ECHDC1: variants seen among roughly 807,000 people sequenced by gnomAD.
The protein encoded by ECHDC1 is ethylmalonyl-CoA decarboxylase 1, also known as ethylmalonyl-CoA decarboxylase.
ECHDC1 carries 29 observed loss-of-function variants against 29.7 expected under a neutral mutation model. The ratio of observed to expected loss-of-function variants is 0.98; its 90% CI spans 0.73 to 1.33. The LOEUF (loss-of-function observed/expected upper bound fraction) is 1.33, where lower values mean the gene tolerates loss of function less well. Ranked by LOEUF, ECHDC1 falls within the 40% of genes most tolerant of loss-of-function variation. ECHDC1 has a pLI of 0.00. For synonymous variants in ECHDC1, 126 were observed against 123.1 expected, an observed-to-expected ratio of 1.02 and a Z score of -0.15; for missense variants, 328 against 350.0, an observed-to-expected ratio of 0.94 and a Z score of 0.50.
intron 5 of ECHDC1, among the ~76,000 whole-genome samples, chr6:127,310,021 A>C (rs1206873826): frequency 6.6e-6 from 1 of 152,158 alleles, no homozygotes; most frequent in Non-Finnish European, 1.5e-5. Flanking sequence ...GGTGACACAG[A>C]GCCAAACCAT....
intron 3 of ECHDC1, among the ~76,000 whole-genome samples, chr6:127,318,558 G>A (rs1465852059): frequency 6.6e-6 from 1 of 152,134 alleles, no homozygotes; most frequent in Non-Finnish European, 1.5e-5. Flanking sequence ...TATACAAAGT[G>A]CTTGAACAAA....
At chr6:127,301,683 C>T (rs1781064507) in intron 5 of ECHDC1, among the ~76,000 whole-genome samples, 1 of 152,202 alleles carries the variant, frequency 6.6e-6, no homozygotes, top group South Asian at 2.1e-4. Flanking sequence ...TAGCCTCTAA[C>T]ATTTAAGAAC....
intron 1 of ECHDC1, among the ~76,000 whole-genome samples, chr6:127,333,447 T>C (rs113338856): frequency 0.011 from 1,621 of 152,198 alleles, 32 homozygotes; most frequent in African/African-American, 0.037. Context: ...GGCATGACTA[T>C]AGAGTAGTTA....
At chr6:127,329,946 T>A in intron 2 of ECHDC1, 4 of 443,268 alleles carry the variant, frequency 9.0e-6, no homozygotes, top group South Asian at 6.5e-5. Context: ...TTACAAAGGG[T>A]TTACAGACTA....
chr6:127,317,798 T>A (rs1422170189), intron 3 of ECHDC1: 3 of 152,134 alleles, frequency 2.0e-5, no homozygotes, highest in African/African-American at 7.2e-5. Flanking sequence ...CAAATATCAA[T>A]CCCTTCTTTT....
chr6:127,313,581 A>G (rs1490500736), intron 5 of ECHDC1: 1 of 456,078 alleles, frequency 2.2e-6, no homozygotes, highest in Admixed American at 2.3e-5. Flanking sequence ...CTTTCTCTTC[A>G]GTGTCTGAAA....
intron 5 of ECHDC1, among the ~76,000 whole-genome samples, chr6:127,297,200 TATTC>T (rs1199321432): frequency 6.6e-6 from 1 of 152,200 alleles, no homozygotes; most frequent in Admixed American, 6.5e-5. Context: ...AATTAATAAA[TATTC>T]ATTAACTCAT....
intron 5 of ECHDC1, chr6:127,313,376 T>C (rs1017775470): frequency 7.1e-6 from 2 of 279,756 alleles, no homozygotes; most frequent in African/African-American, 4.4e-5. Flanking sequence ...CTAATTTTTG[T>C]ATTTTGAGTA....
intron 5 of ECHDC1, 60 bp from the exon 6 acceptor site, chr6:127,290,337 T>C: frequency 6.7e-7 from 1 of 1,500,262 alleles, no homozygotes; most frequent in Non-Finnish European, 9.0e-7. Context: ...AATCATAAAG[T>C]ACTATCCATT....
chr6:127,311,665 G>A (rs1197519901), intron 5 of ECHDC1, among the ~76,000 whole-genome samples: 4 of 57,420 alleles, frequency 7.0e-5, no homozygotes, highest in South Asian at 7.7e-4. Flanking sequence ...CAGAGGCTCT[G>A]TCTCAAAAAA....
chr6:127,327,731 G>A (rs1207135991), intron 2 of ECHDC1, among the ~76,000 whole-genome samples: 1 of 152,178 alleles, frequency 6.6e-6, no homozygotes, highest in African/African-American at 2.4e-5. Context: ...TACGATGGAA[G>A]TTCTTCACAG....
At chr6:127,309,312 A>T (rs1781687912) in intron 5 of ECHDC1, among the ~76,000 whole-genome samples, 1 of 152,158 alleles carries the variant, frequency 6.6e-6, no homozygotes. Context: ...CATTTTCAAC[A>T]AAGGTACCAA....
intron 2 of ECHDC1, among the ~76,000 whole-genome samples, chr6:127,327,817 A>G (rs1316716959): frequency 6.6e-6 from 1 of 152,210 alleles, no homozygotes; most frequent in African/African-American, 2.4e-5. Context: ...GAGCTTCTTT[A>G]TAATAGACAA....
At chr6:127,333,136 C>T (rs11154398) in intron 1 of ECHDC1, among the ~76,000 whole-genome samples, 1 of 151,926 alleles carries the variant, frequency 6.6e-6, no homozygotes, top group East Asian at 1.9e-4. Flanking sequence ...CATAAGCTAT[C>T]GGTTTAAATG....
intron 1 of ECHDC1, among the ~76,000 whole-genome samples, chr6:127,331,282 A>G (rs535302868): frequency 2.1e-4 from 32 of 151,996 alleles, no homozygotes; most frequent in African/African-American, 7.7e-4. Context: ...ATTACCTGAG[A>G]CTACAGGCAC....
intron 1 of ECHDC1, among the ~76,000 whole-genome samples, chr6:127,340,193 T>C (rs1407308187): frequency 6.6e-6 from 1 of 152,232 alleles, no homozygotes; most frequent in Non-Finnish European, 1.5e-5. Context: ...ACTTTAACTA[T>C]TTGAACAGAT....
In ECHDC1 at chr6:127,333,576, T is replaced by G. The variant is rs189216337; in HGVS notation, c.-2-2546A>C. Among the ~76,000 whole-genome samples, 121 of 151,772 alleles carry G rather than the reference T, an allele frequency of 8.0e-4. No individual in the cohort carries two copies. In the Middle Eastern group the frequency reaches 0.017, roughly 21 times the overall value. The stretch of plus-strand genomic sequence containing the variant: ...CCAGTCTACACTGATGATTAAACAT[T>G]TATTTTGCAAGTTGGTTCTTTAAAC... On this transcript the variant is annotated intron_variant, in intron 1 of 5. Transcript: ENST00000454859.
intron 5 of ECHDC1, among the ~76,000 whole-genome samples, chr6:127,300,769 C>T (rs1419991044): frequency 6.6e-6 from 1 of 152,166 alleles, no homozygotes; most frequent in Non-Finnish European, 1.5e-5. Context: ...GCAACTGACA[C>T]TTAGATTTTG....
intron 3 of ECHDC1, among the ~76,000 whole-genome samples, chr6:127,325,500 T>TACACCCATTAAA (rs1783243913): frequency 6.6e-6 from 1 of 152,174 alleles, no homozygotes; most frequent in South Asian, 2.1e-4. Context: ...TTGATGAGTT[T>TACACCCATTAAA]GTAGATAAGT....
Sources: gnomAD v4.1 joint callset for allele counts (sites outside exome capture counted in the v4.1 genomes callset) on GRCh38, gnomAD v4.1.1 for gene constraint, MANE v1.5 for transcripts, NCBI Gene and HGNC (gene_info 2026-07-23, HGNC 2026-07-21) for gene names.